Variants in SRPRB observed in about 807,000 individuals in gnomAD.
The protein encoded by SRPRB is signal recognition particle receptor subunit beta.
In SRPRB, 20 loss-of-function variants were observed where a neutral mutation model predicts 31.9. That is an observed-to-expected ratio of 0.63 (90% CI 0.44 to 0.91). SRPRB has a LOEUF of 0.91. SRPRB is among the 40% of genes least tolerant of loss of function. The probability of loss-of-function intolerance (pLI) is 0.00; values close to 1 mark genes in which losing one functional copy is unlikely to be tolerated. For missense variants in SRPRB, 321 were observed against 324.9 expected (o/e 0.99, Z 0.09); for synonymous variants, 146 against 132.8 (o/e 1.10, Z -0.68).
In SRPRB at chr3:133,805,886, G is replaced by C; in HGVS notation, c.38G>C (p.Gly13Ala). The C allele has an allele frequency of 1.2e-6, 2 of 1,612,856 alleles. No individual in the cohort carries two copies. The highest frequency in any genetic ancestry group is 1.7e-6 in the Non-Finnish European group (2 of 1,179,498). ...GACTCGCGCCGGGTGGCAGATGGCG[G>C]CGGTGCCGGGGGCACCTTCCAGCCC... ...SADSRRVADG[G>A]GAGGTFQPYL... The change falls in exon 1 of 7, where the codon GGC becomes GCC. Residue 13 changes from glycine to alanine, a missense_variant. Physicochemically the swap from Gly to Ala is moderately conservative, Grantham distance 60 (BLOSUM62 0). Transcript: ENST00000678299.
At chr3:133,819,144 T>C (rs531399043) in intron 6 of SRPRB, among the ~76,000 whole-genome samples, 1 of 152,156 alleles carries the variant, frequency 6.6e-6, no homozygotes, top group Non-Finnish European at 1.5e-5. Flanking sequence ...CATATCCAAA[T>C]AGACTCAAGA....
At chr3:133,801,885 G>A (rs185227382), upstream of SRPRB, among the ~76,000 whole-genome samples, 14 of 152,286 alleles carry the variant, frequency 9.2e-5, no homozygotes, top group East Asian at 1.9e-3. Context: ...CATCTTAACC[G>A]TCCTTCCTTG....
chr3:133,793,129 A>G (rs931480397), intron 1 of SRPRB: 2 of 152,128 alleles, frequency 1.3e-5, no homozygotes, highest in African/African-American at 2.4e-5. Flanking sequence ...AAAGATAATG[A>G]AAGATCTTTG....
chr3:133,806,631 C>G lies in SRPRB; in HGVS notation c.177C>G (p.Ser59Arg). The G allele has an allele frequency of 6.2e-7, 1 of 1,614,044 alleles. No individual in the cohort carries two copies. The highest frequency in any genetic ancestry group is 8.5e-7 in the Non-Finnish European group (1 of 1,179,926). ...LTLVFWKLIRSRRSSQRAVLL... is the reference protein window; with the variant it reads ...LTLVFWKLIRRRRSSQRAVLL... ...CAGTCTTCTGGAAGTTAATCCGGAGCAGAAGGAGCAGTCAGAGAGCTGTTC... is the reference window on the plus strand; with the variant it reads ...CAGTCTTCTGGAAGTTAATCCGGAGGAGAAGGAGCAGTCAGAGAGCTGTTC... Residue 59 changes from serine (S) to arginine (R), a missense_variant, in exon 2 of 7, where the codon AGC becomes AGG. Ser to Arg is a moderately radical substitution (Grantham distance 110). Transcript: ENST00000678299.
downstream of SRPRB, chr3:133,824,691 C>T (rs969037854): frequency 6.6e-6 from 1 of 152,200 alleles, no homozygotes; most frequent in Non-Finnish European, 1.5e-5. Context: ...TCAGAGTAGA[C>T]TTGGGGACTG....
chr3:133,803,876 C>G (rs1246440666), upstream of SRPRB, among the ~76,000 whole-genome samples: 1 of 151,420 alleles, frequency 6.6e-6, no homozygotes, highest in Non-Finnish European at 1.5e-5. Context: ...GTGGGTGGAT[C>G]ACGAGGTTAG....
chr3:133,824,254 C>G (rs1464542077), downstream of SRPRB: 1 of 152,238 alleles, frequency 6.6e-6, no homozygotes, highest in Non-Finnish European at 1.5e-5. Flanking sequence ...AGAATTAGGA[C>G]AGTTTATTGT....
intron 4 of SRPRB, among the ~76,000 whole-genome samples, chr3:133,812,338 T>C (rs749308595): frequency 1.3e-5 from 2 of 152,238 alleles, no homozygotes; most frequent in Non-Finnish European, 2.9e-5. Context: ...GAAAATTCCT[T>C]GGACAATTGA....
chr3:133,824,466 A>G (rs1397726766), downstream of SRPRB: 1 of 152,206 alleles, frequency 6.6e-6, no homozygotes, highest in Non-Finnish European at 1.5e-5. Flanking sequence ...CTTCAATGCT[A>G]TGGAGGCTTC....
upstream of SRPRB, chr3:133,805,562 A>C (rs2107967111): frequency 1.5e-3 from 334 of 216,722 alleles, no homozygotes; most frequent in East Asian, 1.8e-3. Flanking sequence ...CATTCATTTT[A>C]TTCATTTCAT....
At position 133,811,200 on chromosome 3, in the gene SRPRB, G is replaced by C; in HGVS notation, c.410+1G>C. The C allele has an allele frequency of 6.2e-7, 1 of 1,614,066 alleles. No individual in the cohort carries two copies. The highest frequency in any genetic ancestry group is 2.2e-5 in the East Asian group (1 of 44,880). ...TAGAGCGGTTTAAGTCTTCAGCCAG[G>C]TAAGAAGGAAAGAAGTGAAGTGGGC... On this transcript the variant is annotated splice_donor_variant, in intron 4 of 6. Transcript: ENST00000678299. LOFTEE classifies it high-confidence loss of function.
At chr3:133,828,477 T>G, downstream of SRPRB, 1 of 423,582 alleles carries the variant, frequency 2.4e-6, no homozygotes, top group South Asian at 3.1e-5. Context: ...ATGACTACAT[T>G]TTTATCTGGC....
At chr3:133,805,753 T>A, upstream of SRPRB, 1 of 1,478,984 alleles carries the variant, frequency 6.8e-7, no homozygotes, top group Non-Finnish European at 9.0e-7. Context: ...GACTATGGCT[T>A]AGGAACCACC....
At chr3:133,785,007 C>A (rs1934623298) in intron 1 of SRPRB, 1 of 78,486 alleles carries the variant, frequency 1.3e-5, no homozygotes, top group African/African-American at 3.5e-5. Context: ...GGGGGGTCAG[C>A]CCCCCGCCCG....
rs1009255203 is a variant in SRPRB at position 133,820,272 on chromosome 3, C to T, written c.*506C>T. The T allele has an allele frequency of 4.4e-5, 7 of 159,832 alleles. No individual in the cohort carries two copies. Among genetic ancestry groups the T allele is most frequent in the Non-Finnish European group, 7.0e-5 (5 of 71,896 alleles). The allele number at this position is 159,832 out of a possible 1,614,324, so 9.9% of individuals were successfully genotyped here. ...TGTGGGCACAGTTATGAAGTTTCCC[C>T]ACATGTGAAGACAGGTACAAAATAG... is the stretch of plus-strand genomic sequence containing the variant. On this transcript the variant is annotated 3_prime_UTR_variant, in exon 7 of 7. Coordinates refer to ENST00000678299, the MANE Select transcript of SRPRB (RefSeq NM_001379313.1).
upstream of SRPRB, among the ~76,000 whole-genome samples, chr3:133,804,664 T>A (rs1453417660): frequency 6.6e-6 from 1 of 152,060 alleles, no homozygotes; most frequent in East Asian, 1.9e-4. Context: ...GTTTTTGTCA[T>A]CAGGCATGGG....
At chr3:133,802,229 A>T (rs1356360845), upstream of SRPRB, among the ~76,000 whole-genome samples, 1 of 151,328 alleles carries the variant, frequency 6.6e-6, no homozygotes, top group African/African-American at 2.4e-5. Context: ...GCAGAGAGAG[A>T]CTGTGTCTCT....
At position 133,820,069 on chromosome 3, in the gene SRPRB, G is replaced by C. The variant is rs938019763; in HGVS notation, c.*303G>C. On this transcript the variant is annotated 3_prime_UTR_variant, in exon 7 of 7. Transcript: ENST00000678299. ...TGACAACAGGCAGACTCCACACAGA[G>C]AGGATATGATGAGAATATGGCCATC... 2.1e-5 allele frequency: 7 copies of C among 336,738 alleles called. No homozygotes were observed. Among genetic ancestry groups the C allele is most frequent in the Non-Finnish European group, 3.9e-5 (7 of 179,336 alleles). The allele number at this position is 336,738 out of a possible 1,614,324, so 20.9% of individuals were successfully genotyped here. A position where few individuals can be genotyped will look rare whatever the true frequency, so the allele number is the denominator to read the frequency against.
chr3:133,803,718 G>C (rs2107965583), upstream of SRPRB, among the ~76,000 whole-genome samples: 1 of 150,632 alleles, frequency 6.6e-6, no homozygotes, highest in Non-Finnish European at 1.5e-5. Context: ...AGGCTGGAGT[G>C]CAGTGGCATG....
Sources: gnomAD v4.1 joint callset for allele counts (sites outside exome capture counted in the v4.1 genomes callset) on GRCh38, gnomAD v4.1.1 for gene constraint, MANE v1.5 for transcripts, NCBI Gene and HGNC (gene_info 2026-07-23, HGNC 2026-07-21) for gene names.